The following MYO9B variants were observed in gnomAD, a reference collection of about 807,000 sequenced individuals.
MYO9B encodes myosin IXB, also known as unconventional myosin-IXb.
In MYO9B, 71 loss-of-function variants were observed where a neutral mutation model predicts 229.5. The observed-to-expected ratio is 0.31, with a 90% CI of 0.26 to 0.38. The LOEUF (loss-of-function observed/expected upper bound fraction) is 0.38, where lower values mean the gene tolerates loss of function less well. Among genes scored for constraint, MYO9B ranks in the 10% least tolerant of loss-of-function variants. MYO9B has a pLI of 1.00. For missense variants in MYO9B, 2,255 were observed against 2,920.5 expected (o/e 0.77, Z 5.25); for synonymous variants, 1,185 against 1,235.8 (o/e 0.96, Z 0.86).
chr19:17,194,934 C>T lies in MYO9B; in HGVS notation c.3507C>T (p.Cys1169=). The change falls in exon 22 of 40, where the codon TGC becomes TGT. Residue 1169 remains cysteine (C), a synonymous_variant. Coordinates refer to ENST00000682292, the MANE Select transcript of MYO9B (RefSeq NM_004145.4). Reference sequence around the variant, plus strand: ...TCCAGAACAAACACATCCAGTCCTGCAAGGAGGAGAGTGCCCTCAGAGAAC... The same window carrying T: ...TCCAGAACAAACACATCCAGTCCTGTAAGGAGGAGAGTGCCCTCAGAGAAC... ...VKFQNKHIQS[C]KEESALREPS... 3 of 1,613,382 alleles carry T rather than the reference C, an allele frequency of 1.9e-6. No homozygotes were observed. The highest frequency in any genetic ancestry group is 2.5e-6 in the Non-Finnish European group (3 of 1,179,884).
chr19:17,132,513 TTTA>T (rs1399927847), intron 2 of MYO9B, among the ~76,000 whole-genome samples: 121 of 109,712 alleles, frequency 1.1e-3, no homozygotes, highest in African/African-American at 2.8e-3. Flanking sequence ...TATTTATTTA[TTTA>T]TTATTATTAT....
rs148573011 is a variant in MYO9B at position 17,143,710 on chromosome 19, C to G, written c.841-1687C>G. 1.1e-3 allele frequency among the ~76,000 whole-genome samples: 164 copies of G among 152,068 alleles called. 2 individuals are homozygous for G. In the East Asian group the frequency reaches 0.024, roughly 22 times the overall value. On this transcript the variant is annotated intron_variant, in intron 2 of 39. Transcript: ENST00000682292. ...GGCCGGGGCGGGCAGATCATGAGGT[C>G]AAGAGATCGAGACCATCCTAGCCAA...
rs975820732 is a variant in MYO9B, at chr19:17,210,222, C to T, written c.5749-111C>T. On this transcript the variant is annotated intron_variant, in intron 36 of 39. Coordinates refer to ENST00000682292, the MANE Select transcript of MYO9B (RefSeq NM_004145.4). Reference sequence around the variant, plus strand: ...TTAGTGGGGAACGGGCTCTGGGCTCCTGTGGGAACCAGGGACCCCCTATCT... The same window carrying T: ...TTAGTGGGGAACGGGCTCTGGGCTCTTGTGGGAACCAGGGACCCCCTATCT... The T allele has an allele frequency of 8.8e-6, 10 of 1,141,404 alleles. No homozygotes were observed. In the Admixed American group the frequency reaches 1.7e-4, roughly 19 times the overall value. The allele number at this position is 1,141,404 out of a possible 1,614,324, so 70.7% of individuals were successfully genotyped here.
intron 2 of MYO9B, among the ~76,000 whole-genome samples, chr19:17,116,628 C>T (rs569568741): frequency 6.6e-6 from 1 of 152,174 alleles, no homozygotes; most frequent in African/African-American, 2.4e-5. Context: ...GTGTTCCCCC[C>T]ACAGAGCACA....
At chr19:17,171,165 C>G (rs1392794513) in intron 11 of MYO9B, among the ~76,000 whole-genome samples, 1 of 152,198 alleles carries the variant, frequency 6.6e-6, no homozygotes, top group Non-Finnish European at 1.5e-5. Context: ...CCCTCCTTGG[C>G]CCCGTTAACG....
In MYO9B at chr19:17,117,953, A is replaced by AG. The variant is rs1314817826; in HGVS notation, c.840+15396_840+15397insG. Among the ~76,000 whole-genome samples, 69 of 151,436 alleles carry AG rather than the reference A, an allele frequency of 4.6e-4. 1 individual carries two copies. In the South Asian group the frequency reaches 0.01, roughly 22 times the overall value. Reference sequence around the variant, plus strand: ...ACTCTTCCTCAAAAAAAAAAAAAAAAAAAAGAAAAGACATATACAGGATTC... The same window carrying AG: ...ACTCTTCCTCAAAAAAAAAAAAAAAAGAAAAGAAAAGACATATACAGGATTC... On this transcript the variant is annotated intron_variant, in intron 2 of 39. Coordinates refer to ENST00000682292, the MANE Select transcript of MYO9B (RefSeq NM_004145.4).
intron 9 of MYO9B, 121 bp downstream of exon 9, chr19:17,162,587 T>A (rs2072615789): frequency 1.2e-6 from 1 of 850,060 alleles, no homozygotes; most frequent in Non-Finnish European, 1.8e-6. Context: ...AGAGGCTGTT[T>A]CCCCACAAGG....
chr19:17,080,588 C>T (rs112456099), intron 1 of MYO9B, among the ~76,000 whole-genome samples: 10 of 152,234 alleles, frequency 6.6e-5, no homozygotes, highest in East Asian at 5.8e-4. Flanking sequence ...TGTCTCTAGG[C>T]GAGGCTTGGT....
rs145247809 is a variant in MYO9B at position 17,141,282 on chromosome 19, T to C, written c.841-4115T>C. Among the ~76,000 whole-genome samples the C allele has an allele frequency of 8.5e-5, 13 of 152,232 alleles. No individual in the cohort carries two copies. The East Asian group carries it at 2.5e-3, about 29-fold the overall frequency. ...CTACCCCACCCCCTACAATGGGACCTTGGCAATGGCCTTGCCACTTCCTTC... is the reference window on the plus strand; with the variant it reads ...CTACCCCACCCCCTACAATGGGACCCTGGCAATGGCCTTGCCACTTCCTTC... On this transcript the variant is annotated intron_variant, in intron 2 of 39. Coordinates refer to ENST00000682292, the MANE Select transcript of MYO9B (RefSeq NM_004145.4).
At chr19:17,198,458 C>A in intron 24 of MYO9B, 150 bp downstream of exon 24, 1 of 1,144,264 alleles carries the variant, frequency 8.7e-7, no homozygotes, top group Non-Finnish European at 1.2e-6. Context: ...ATGGGGAGGC[C>A]AGGCAGTGGC....
intron 2 of MYO9B, among the ~76,000 whole-genome samples, chr19:17,143,061 A>C (rs1003183116): frequency 3.9e-5 from 6 of 152,120 alleles, no homozygotes; most frequent in Non-Finnish European, 7.4e-5. Context: ...CAACATGGGA[A>C]AACCCCGTCT....
intron 2 of MYO9B, among the ~76,000 whole-genome samples, chr19:17,109,786 A>G (rs949846973): frequency 6.6e-6 from 1 of 152,002 alleles, no homozygotes; most frequent in African/African-American, 2.4e-5. Flanking sequence ...TGTGTGTCCA[A>G]TCTCCCTTGC....
chr19:17,147,169 C>G (rs1321097720), intron 3 of MYO9B, among the ~76,000 whole-genome samples: 3 of 152,232 alleles, frequency 2.0e-5, no homozygotes, highest in Non-Finnish European at 4.4e-5. Flanking sequence ...CTGGAACAGC[C>G]ACTTGTCCCA....
chr19:17,128,694 A>G (rs762483084), intron 2 of MYO9B, among the ~76,000 whole-genome samples: 1 of 152,224 alleles, frequency 6.6e-6, no homozygotes, highest in Non-Finnish European at 1.5e-5. Context: ...GGTGGGCGTC[A>G]CCTACTCCGT....
intron 2 of MYO9B, among the ~76,000 whole-genome samples, chr19:17,144,830 C>T (rs891781975): frequency 7.3e-5 from 11 of 151,342 alleles, no homozygotes; most frequent in African/African-American, 9.7e-5. Context: ...ATTGGCCAGG[C>T]GTGGCAGCGT....
intron 4 of MYO9B, among the ~76,000 whole-genome samples, chr19:17,153,558 T>C (rs1240223648): frequency 2.0e-5 from 3 of 150,776 alleles, no homozygotes; most frequent in Non-Finnish European, 3.0e-5. Context: ...TAGCTGGGCA[T>C]GGTGACACAC....
intron 11 of MYO9B, among the ~76,000 whole-genome samples, chr19:17,171,603 T>G (rs1310737483): frequency 6.6e-6 from 1 of 152,142 alleles, no homozygotes; most frequent in Non-Finnish European, 1.5e-5. Flanking sequence ...AACAGCCATG[T>G]GGGGTCGAAG....
Position 17,202,205 on chromosome 19 carries a change from C to G in MYO9B, c.4738C>G (p.Arg1580Gly). 1 of 1,612,720 alleles carries G rather than the reference C, an allele frequency of 6.2e-7. No individual in the cohort carries two copies. Among genetic ancestry groups the G allele is most frequent in the Non-Finnish European group, 8.5e-7 (1 of 1,179,220 alleles). Residue 1580 changes from arginine (R) to glycine (G), a missense_variant, in exon 28 of 40, where the codon CGT becomes GGT. Physicochemically the swap from Arg to Gly is moderately radical, Grantham distance 125. This residue lies in a region of MYO9B where 416 missense variants were observed against 605.5 expected (regional missense o/e 0.69). Coordinates refer to ENST00000682292, the MANE Select transcript of MYO9B (RefSeq NM_004145.4). ...QIVVSNLATE[R>G]GQKDTNLVLN... ...CGTCGTCAGCAACCTGGCCACTGAGCGTGGCCAGAAGGACACCAACCTGGT... is the reference window on the plus strand; with the variant it reads ...CGTCGTCAGCAACCTGGCCACTGAGGGTGGCCAGAAGGACACCAACCTGGT...
At chr19:17,167,242 G>A (rs990676417) in intron 10 of MYO9B, among the ~76,000 whole-genome samples, 11 of 146,122 alleles carry the variant, frequency 7.5e-5, no homozygotes, top group Non-Finnish European at 1.3e-4. Flanking sequence ...TATATTGCCC[G>A]GGCTGGTCTC....
Sources: allele counts gnomAD v4.1 joint callset (sites outside exome capture counted in the v4.1 genomes callset), GRCh38; gene constraint gnomAD v4.1.1; regional missense constraint gnomAD v4.1.1; transcripts MANE v1.5; gene names NCBI Gene and HGNC (gene_info 2026-07-23, HGNC 2026-07-21).